The following KCNIP4 variants were observed in gnomAD, a reference collection of about 807,000 sequenced individuals.
The protein encoded by KCNIP4 is Kv channel-interacting protein 4.
Under a neutral mutation model 34.0 loss-of-function variants are expected in KCNIP4, and 12 were observed. The observed-to-expected ratio is 0.35, with a 90% confidence interval of 0.23 to 0.57. KCNIP4 has a LOEUF of 0.57. Among genes scored for constraint, KCNIP4 ranks in the 20% least tolerant of loss-of-function variants. KCNIP4 has a pLI of 0.83. For missense variants in KCNIP4, 238 were observed against 311.7 expected, an observed-to-expected ratio of 0.76 and a Z score of 1.78; for synonymous variants, 124 against 102.2, an observed-to-expected ratio of 1.21 and a Z score of -1.29.
chr4:21,918,522 C>T (rs905013173), intron 1 of KCNIP4, among the ~76,000 whole-genome samples: 35 of 151,950 alleles, frequency 2.3e-4, no homozygotes, highest in African/African-American at 8.2e-4. Context: ...AGGACTGTGA[C>T]ACCCCCCTCC....
chr4:21,918,734 G>C (rs1396423230), intron 1 of KCNIP4, among the ~76,000 whole-genome samples: 1 of 152,154 alleles, frequency 6.6e-6, no homozygotes, highest in African/African-American at 2.4e-5. Flanking sequence ...GAAACCTTTG[G>C]TTTTAAGACA....
At chr4:21,375,277 G>GAATGT (rs1720861806) in intron 1 of KCNIP4, among the ~76,000 whole-genome samples, 1 of 130,818 alleles carries the variant, frequency 7.6e-6, no homozygotes, top group Admixed American at 6.9e-5. Context: ...TTGCATCCAA[G>GAATGT]AATGTCTTCT....
chr4:21,355,886 C>T (rs983290474), intron 1 of KCNIP4, among the ~76,000 whole-genome samples: 8 of 152,064 alleles, frequency 5.3e-5, no homozygotes, highest in Admixed American at 1.3e-4. Context: ...TCATGAACAT[C>T]GATGCAAAAA....
chr4:21,838,376 T>A (rs1382912332), intron 1 of KCNIP4, among the ~76,000 whole-genome samples: 1 of 152,196 alleles, frequency 6.6e-6, no homozygotes, highest in Admixed American at 6.5e-5. Context: ...CAATGGACAA[T>A]TCCTAATGTT....
chr4:20,929,317 A>G lies in KCNIP4; in HGVS notation c.62-46608T>C, dbSNP rs541247265. On this transcript the variant is annotated intron_variant, in intron 1 of 8. Coordinates refer to ENST00000382152, the MANE Select transcript of KCNIP4 (RefSeq NM_025221.6). Reference sequence around the variant, plus strand: ...TCAATCAACACAGAAAAAGCATTTGACAAAGTTCAGCATCCTTTCCTGATA... The same window carrying G: ...TCAATCAACACAGAAAAAGCATTTGGCAAAGTTCAGCATCCTTTCCTGATA... Among the ~76,000 whole-genome samples, 11 of 152,196 alleles carry G rather than the reference A, an allele frequency of 7.2e-5. No homozygotes were observed. The East Asian group carries it at 1.7e-3, about 24-fold the overall frequency.
At chr4:21,943,920 A>G (rs927948728) in intron 1 of KCNIP4, among the ~76,000 whole-genome samples, 21 of 152,026 alleles carry the variant, frequency 1.4e-4, no homozygotes, top group African/African-American at 4.6e-4. Flanking sequence ...TGACTTATTC[A>G]TCATGATGAG....
At chr4:21,294,920 A>T (rs532875579) in intron 1 of KCNIP4, among the ~76,000 whole-genome samples, 1 of 152,322 alleles carries the variant, frequency 6.6e-6, no homozygotes, top group Non-Finnish European at 1.5e-5. Flanking sequence ...TCAAAGGATA[A>T]CAACATTGTC....
At chr4:20,790,113 C>G (rs1281782601) in intron 3 of KCNIP4, among the ~76,000 whole-genome samples, 1 of 152,114 alleles carries the variant, frequency 6.6e-6, no homozygotes, top group Non-Finnish European at 1.5e-5. Context: ...TTCTAGACTG[C>G]AAACTTGTAC....
chr4:20,850,913 T>C (rs1720953546), intron 2 of KCNIP4: 1 of 334,982 alleles, frequency 3.0e-6, no homozygotes, highest in Non-Finnish European at 5.4e-6. Context: ...AGCATTGTTT[T>C]AAGACAACAA....
intron 1 of KCNIP4, among the ~76,000 whole-genome samples, chr4:20,976,766 C>T (rs1026837833): frequency 6.6e-6 from 1 of 152,222 alleles, no homozygotes; most frequent in East Asian, 1.9e-4. Context: ...CCACTGTGGA[C>T]CCATGGTTGA....
intron 1 of KCNIP4, among the ~76,000 whole-genome samples, chr4:21,260,161 C>G (rs1761376096): frequency 6.7e-6 from 1 of 149,036 alleles, no homozygotes. Context: ...TATGGTCTTT[C>G]TATTTAGGAA....
At chr4:21,444,049 C>T (rs1399574542) in intron 1 of KCNIP4, among the ~76,000 whole-genome samples, 2 of 152,132 alleles carry the variant, frequency 1.3e-5, no homozygotes, top group East Asian at 3.9e-4. Context: ...TTCCTCGACA[C>T]ATACACCCTC....
intron 1 of KCNIP4, among the ~76,000 whole-genome samples, chr4:21,271,406 T>C (rs1762137175): frequency 6.6e-6 from 1 of 152,222 alleles, no homozygotes; most frequent in Non-Finnish European, 1.5e-5. Context: ...TAAAAAGGAC[T>C]TTCTTATGCT....
chr4:21,783,278 T>A (rs550401791), intron 1 of KCNIP4, among the ~76,000 whole-genome samples: 6 of 152,288 alleles, frequency 3.9e-5, no homozygotes, highest in African/African-American at 1.4e-4. Flanking sequence ...TCATTTATAA[T>A]GTATTCAAAT....
intron 1 of KCNIP4, among the ~76,000 whole-genome samples, chr4:21,055,947 G>T (rs1460193770): frequency 6.6e-6 from 1 of 152,082 alleles, no homozygotes. Context: ...AAACTTTGGG[G>T]AATTATGATG....
chr4:20,923,652 T>A (rs1457970693), intron 1 of KCNIP4, among the ~76,000 whole-genome samples: 1 of 152,188 alleles, frequency 6.6e-6, no homozygotes, highest in East Asian at 1.9e-4. Flanking sequence ...CACCTTTCCA[T>A]GGACTATGGT....
intron 1 of KCNIP4, among the ~76,000 whole-genome samples, chr4:21,438,137 G>A (rs1217488541): frequency 3.3e-5 from 5 of 152,028 alleles, no homozygotes; most frequent in South Asian, 2.1e-4. Flanking sequence ...TATAAATCTC[G>A]CTAGCTCTTC....
intron 5 of KCNIP4, among the ~76,000 whole-genome samples, chr4:20,735,592 C>T (rs1228927263): frequency 1.4e-5 from 2 of 140,842 alleles, no homozygotes; most frequent in African/African-American, 5.4e-5. Context: ...TGCAGTGGCA[C>T]AATCTTGGCT....
chr4:20,742,565 T>C (rs1174255826), intron 5 of KCNIP4, among the ~76,000 whole-genome samples: 1 of 152,064 alleles, frequency 6.6e-6, no homozygotes, highest in Non-Finnish European at 1.5e-5. Flanking sequence ...ATGGGACGTA[T>C]CTCAAAATAA....
Sources: gnomAD v4.1 joint callset for allele counts (sites outside exome capture counted in the v4.1 genomes callset) on GRCh38, gnomAD v4.1.1 for gene constraint, MANE v1.5 for transcripts, NCBI Gene and HGNC (gene_info 2026-07-23, HGNC 2026-07-21) for gene names.